Variants in SLC24A2 observed in about 807,000 individuals in gnomAD.
SLC24A2 encodes the protein solute carrier family 24 member 2, also known as sodium/potassium/calcium exchanger 2.
A neutral mutation model predicts 62.0 loss-of-function variants in SLC24A2; 36 were observed. The observed-to-expected ratio is 0.58, with a 90% confidence interval of 0.44 to 0.77. SLC24A2 has a LOEUF of 0.77. Ranked by LOEUF, SLC24A2 falls within the 30% of genes least tolerant of loss-of-function variation. The pLI is 0.00. For synonymous variants in SLC24A2, 358 were observed against 294.0 expected, an observed-to-expected ratio of 1.22 and a Z score of -2.23; for missense variants, 846 against 817.9, an observed-to-expected ratio of 1.03 and a Z score of -0.42.
chr9:19,743,825 G>T (rs1821750393), intron 2 of SLC24A2, among the ~76,000 whole-genome samples: 1 of 152,142 alleles, frequency 6.6e-6, no homozygotes, highest in African/African-American at 2.4e-5. Flanking sequence ...ATACTCTACA[G>T]AAGGATGGAT....
At chr9:19,533,382 C>A (rs1030458759) in intron 8 of SLC24A2, among the ~76,000 whole-genome samples, 3 of 152,174 alleles carry the variant, frequency 2.0e-5, no homozygotes, top group Non-Finnish European at 2.9e-5. Context: ...AAAATGGGCA[C>A]AATACTTTGC....
chr9:20,233,320 G>A, the SLC24A2 span, among the ~76,000 whole-genome samples: 3 of 152,240 alleles, frequency 2.0e-5, no homozygotes, highest in African/African-American at 7.2e-5. Flanking sequence ...AATGTTGACA[G>A]TGGGGTGTTA....
chr9:20,089,999 C>T, the SLC24A2 span, among the ~76,000 whole-genome samples: 1 of 152,172 alleles, frequency 6.6e-6, no homozygotes, highest in Non-Finnish European at 1.5e-5. Flanking sequence ...AAAAGCCCCT[C>T]TGCCCCTTTC....
the SLC24A2 span, among the ~76,000 whole-genome samples, chr9:20,020,739 A>C: frequency 0.4 from 61,152 of 152,050 alleles, 13,688 homozygotes; most frequent in Non-Finnish European, 0.52. Context: ...AAACATAAAA[A>C]AGAAAGATAA....
the SLC24A2 span, among the ~76,000 whole-genome samples, chr9:20,094,076 TGTTGATATTTGGACTGATA>T: frequency 6.6e-6 from 1 of 152,172 alleles, no homozygotes; most frequent in Non-Finnish European, 1.5e-5. Flanking sequence ...TCTTTTAAGG[TGTTGATATTTGGACTGATA>T]GTCCGAAGCA....
At chr9:19,952,565 T>C in the SLC24A2 span, among the ~76,000 whole-genome samples, 2 of 152,000 alleles carry the variant, frequency 1.3e-5, no homozygotes, top group African/African-American at 4.8e-5. Flanking sequence ...GGCTTTTTTA[T>C]ATCTAACAAG....
the SLC24A2 span, among the ~76,000 whole-genome samples, chr9:20,259,542 T>G: frequency 1.3e-5 from 2 of 152,070 alleles, no homozygotes; most frequent in Non-Finnish European, 2.9e-5. Context: ...CCTTGGAAGC[T>G]CCTCAAAGAA....
At chr9:19,762,456 T>C (rs1822366893) in intron 2 of SLC24A2, among the ~76,000 whole-genome samples, 1 of 152,350 alleles carries the variant, frequency 6.6e-6, no homozygotes, top group African/African-American at 2.4e-5. Flanking sequence ...TACGTTTAAG[T>C]CTTTAATCCA....
chr9:19,511,395 T>A lies in SLC24A2; in HGVS notation c.*4758A>T, dbSNP rs867870390. ...TTCCTGAGATTATTTTTTAAAAAAA[T>A]CTAAAACTGTATATGGGCTCTTGTA... On this transcript the variant is annotated 3_prime_UTR_variant, in exon 11 of 11. Transcript: ENST00000341998. The A allele has an allele frequency of 1.1e-4, 16 of 152,196 alleles. No homozygotes were observed. Among genetic ancestry groups the A allele is most frequent in the African/African-American group, 3.6e-4 (15 of 41,450 alleles). The allele number at this position is 152,196 out of a possible 1,614,324, so 9.4% of individuals were successfully genotyped here.
chr9:20,058,620 A>G, the SLC24A2 span, among the ~76,000 whole-genome samples: 1 of 152,104 alleles, frequency 6.6e-6, no homozygotes, highest in South Asian at 2.1e-4. Context: ...AATACAACAA[A>G]TATATCAAAT....
At chr9:19,808,279 G>A in the SLC24A2 span, among the ~76,000 whole-genome samples, 3 of 152,156 alleles carry the variant, frequency 2.0e-5, no homozygotes, top group Non-Finnish European at 4.4e-5. The surrounding 1 kb of genome is among the most constrained non-coding windows in gnomAD (Gnocchi z 4.1). Context: ...TCTCATCTCT[G>A]ATAAATTTAA....
At chr9:19,976,355 C>G in the SLC24A2 span, among the ~76,000 whole-genome samples, 2 of 152,090 alleles carry the variant, frequency 1.3e-5, no homozygotes, top group African/African-American at 4.8e-5. Flanking sequence ...GCAGACATGC[C>G]CCTTGCTATT....
intron 5 of SLC24A2, among the ~76,000 whole-genome samples, chr9:19,581,163 T>A (rs1012954638): frequency 2.0e-5 from 3 of 152,156 alleles, no homozygotes; most frequent in Non-Finnish European, 4.4e-5. Flanking sequence ...CCCAGGAGTT[T>A]AAGCATACAG....
At chr9:20,078,490 T>A in the SLC24A2 span, among the ~76,000 whole-genome samples, 1 of 152,102 alleles carries the variant, frequency 6.6e-6, no homozygotes, top group Non-Finnish European at 1.5e-5. Flanking sequence ...AAGAACAAGA[T>A]GGTCAGGTTT....
At chr9:19,753,631 C>A (rs1587270769) in intron 2 of SLC24A2, among the ~76,000 whole-genome samples, 1 of 152,156 alleles carries the variant, frequency 6.6e-6, no homozygotes, top group African/African-American at 2.4e-5. Flanking sequence ...TACCCTTAGG[C>A]ACTTCCTTGC....
chr9:19,981,854 A>G, the SLC24A2 span, among the ~76,000 whole-genome samples: 1 of 152,158 alleles, frequency 6.6e-6, no homozygotes, highest in Non-Finnish European at 1.5e-5. Context: ...ACATTTGCCT[A>G]CAACAATTCA....
At chr9:19,541,496 G>A (rs553222822) in intron 8 of SLC24A2, among the ~76,000 whole-genome samples, 14 of 149,094 alleles carry the variant, frequency 9.4e-5, no homozygotes, top group African/African-American at 2.7e-4. Flanking sequence ...CTGCTGGGGG[G>A]TGCCTCCCAG....
chr9:19,619,443 C>A, intron 4 of SLC24A2, 141 bp downstream of exon 4: 1 of 774,416 alleles, frequency 1.3e-6, no homozygotes, highest in South Asian at 1.4e-5. Flanking sequence ...CGTCAAAGGG[C>A]CAGGGCTGCT....
At chr9:20,161,095 T>C in the SLC24A2 span, among the ~76,000 whole-genome samples, 1 of 151,358 alleles carries the variant, frequency 6.6e-6, no homozygotes, top group East Asian at 1.9e-4. Flanking sequence ...AATTATGAAA[T>C]ACTGTTATAT....
Sources: gnomAD v4.1 joint callset for allele counts (sites outside exome capture counted in the v4.1 genomes callset) on GRCh38, gnomAD v4.1.1 for gene constraint, Gnocchi (gnomAD v3.1) non-coding constraint, MANE v1.5 for transcripts, NCBI Gene and HGNC (gene_info 2026-07-23, HGNC 2026-07-21) for gene names.